Variants in KCTD2 observed in about 807,000 individuals in gnomAD.
KCTD2 encodes potassium channel tetramerization domain containing 2.
A neutral mutation model predicts 27.9 loss-of-function variants in KCTD2; 18 were observed. The observed-to-expected ratio is 0.64, with a 90% CI of 0.45 to 0.96. The LOEUF (loss-of-function observed/expected upper bound fraction) is 0.96, where lower values mean the gene tolerates loss of function less well. Ranked by LOEUF, KCTD2 falls within the 40% of genes least tolerant of loss-of-function variation. The pLI is 0.00. For synonymous variants in KCTD2, 175 were observed against 148.4 expected, an observed-to-expected ratio of 1.18 and a Z score of -1.30; for missense variants, 280 against 348.0, an observed-to-expected ratio of 0.80 and a Z score of 1.56.
intron 3 of KCTD2, chr17:75,039,451 A>G: frequency 1.7e-6 from 1 of 589,046 alleles, no homozygotes; most frequent in Middle Eastern, 4.5e-4. Context: ...TAACACTCAC[A>G]GAGAAGCCCA....
intron 1 of KCTD2, among the ~76,000 whole-genome samples, chr17:75,048,103 T>TG (rs1483258120): frequency 1.3e-5 from 2 of 152,206 alleles, no homozygotes; most frequent in Non-Finnish European, 2.9e-5. Flanking sequence ...TCTATAGTCC[T>TG]GGTCGCAGAA....
At position 75,061,413 on chromosome 17, in the gene KCTD2, G is replaced by A. The variant is rs184385005; in HGVS notation, c.637-707G>A. 2.3e-3 allele frequency among the ~76,000 whole-genome samples: 344 copies of A among 152,312 alleles called. 1 individual carries two copies. The highest frequency in any genetic ancestry group is 4.0e-3 in the Non-Finnish European group (275 of 68,030). On this transcript the variant is annotated intron_variant, in intron 4 of 5. Transcript: ENST00000322444. ...TAATCTCGGCACTTTGGGAGGCCAC[G>A]GTGGGAGGATTGCTTGAGTCCTGGA...
At position 75,047,514 on chromosome 17, in the gene KCTD2, G is replaced by T; in HGVS notation, c.264G>T (p.Gln88His). The change falls in exon 1 of 6, where the codon CAG becomes CAT. Residue 88 changes from glutamine to histidine, a missense_variant. Transcript: ENST00000322444. ...VGGTYFVTTR[Q>H]TLGREPKSFL... ...GCACCTACTTCGTGACCACCAGACAGACCTTAGGCCGGGAGCCCAAGTCAT... is the reference window on the plus strand; with the variant it reads ...GCACCTACTTCGTGACCACCAGACATACCTTAGGCCGGGAGCCCAAGTCAT... 1 of 1,611,326 alleles carries T rather than the reference G, an allele frequency of 6.2e-7. No homozygotes were observed. The highest frequency in any genetic ancestry group is 8.5e-7 in the Non-Finnish European group (1 of 1,179,434).
At chr17:75,043,813 GC>G (rs1167635070), upstream of KCTD2, among the ~76,000 whole-genome samples, 1 of 152,050 alleles carries the variant, frequency 6.6e-6, no homozygotes, top group Non-Finnish European at 1.5e-5. Context: ...CACTCTCTAG[GC>G]TAAAATTTAC....
chr17:75,043,679 A>C (rs1217894280), upstream of KCTD2, among the ~76,000 whole-genome samples: 1 of 152,104 alleles, frequency 6.6e-6, no homozygotes, highest in Admixed American at 6.5e-5. Flanking sequence ...AAAATTACTA[A>C]AAATAACACT....
intron 2 of KCTD2, among the ~76,000 whole-genome samples, chr17:75,052,622 C>G (rs576428446): frequency 3.7e-4 from 57 of 152,334 alleles, no homozygotes; most frequent in Admixed American, 2.5e-3. Context: ...ACTTGGAAGG[C>G]TGAGGCAGCA....
chr17:75,047,531 C>T lies in KCTD2; in HGVS notation c.281C>T (p.Pro94Leu). The change falls in exon 1 of 6, where the codon CCC becomes CTC. Residue 94 changes from proline (P) to leucine (L), a missense_variant. Transcript: ENST00000322444. ...ACCAGACAGACCTTAGGCCGGGAGC[C>T]CAAGTCATTTCTCTGCCGCCTCTGC... ...VTTRQTLGRE[P>L]KSFLCRLCCQ... 1 of 1,611,872 alleles carries T rather than the reference C, an allele frequency of 6.2e-7. No individual in the cohort carries two copies. The highest frequency in any genetic ancestry group is 8.5e-7 in the Non-Finnish European group (1 of 1,179,616).
Position 75,063,630 on chromosome 17 carries a change from A to G in KCTD2, c.*583A>G, listed in dbSNP as rs1327769505. On this transcript the variant is annotated 3_prime_UTR_variant, in exon 6 of 6. Transcript: ENST00000322444. ...TCCCATGAATAGAGCCTCCAAGGAAAGGGAGGATGGGGTGTCCTTTGTTGT... is the reference window on the plus strand; with the variant it reads ...TCCCATGAATAGAGCCTCCAAGGAAGGGGAGGATGGGGTGTCCTTTGTTGT... 6.5e-6 allele frequency: 1 copy of G among 153,272 alleles called. No homozygotes were observed. The highest frequency in any genetic ancestry group is 1.5e-5 in the Non-Finnish European group (1 of 68,706). 9.5% of individuals were successfully genotyped at this position (153,272 alleles called of 1,614,324 possible).
upstream of KCTD2, chr17:75,042,510 C>A (rs745666457): frequency 6.2e-7 from 1 of 1,600,342 alleles, no homozygotes; most frequent in Non-Finnish European, 8.5e-7. Flanking sequence ...ATGGGGTTCC[C>A]TCTCAGAAAC....
exon 3 of KCTD2, chr17:75,035,262 C>G (rs2040105543): frequency 6.6e-6 from 1 of 152,122 alleles, no homozygotes. Context: ...CCCTCCACAC[C>G]GCGGCTCCCG....
rs2073408381 is a variant in KCTD2, at chr17:75,061,998, A to C, written c.637-122A>C. On this transcript the variant is annotated intron_variant, in intron 4 of 5. Coordinates refer to ENST00000322444, the MANE Select transcript of KCTD2 (RefSeq NM_015353.3). Reference sequence around the variant, plus strand: ...GGGCTTTGGTAGTCACAGAGAACTCATATAAAGAGTTAAACCTTTGATAAC... The same window carrying C: ...GGGCTTTGGTAGTCACAGAGAACTCCTATAAAGAGTTAAACCTTTGATAAC... 6 of 1,108,532 alleles carry C rather than the reference A, an allele frequency of 5.4e-6. No homozygotes were observed. The South Asian group carries it at 6.7e-5, about 12-fold the overall frequency. The allele number at this position is 1,108,532 out of a possible 1,614,324, so 68.7% of individuals were successfully genotyped here. A position where few individuals can be genotyped will look rare whatever the true frequency, so the allele number is the denominator to read the frequency against.
intron 3 of KCTD2, chr17:75,040,061 T>C: frequency 6.2e-7 from 1 of 1,612,006 alleles, no homozygotes; most frequent in Middle Eastern, 1.7e-4. Context: ...TCAAGAGAAT[T>C]TTAGAATAAG....
At chr17:75,041,944 C>A in intron 3 of KCTD2, 1 of 437,608 alleles carries the variant, frequency 2.3e-6, no homozygotes, top group Non-Finnish European at 4.1e-6. Context: ...AACTCCTGTG[C>A]TGATCAGAAA....
chr17:75,035,142 G>A (rs1888188317), intron 2 of KCTD2: 1 of 152,126 alleles, frequency 6.6e-6, no homozygotes, highest in Non-Finnish European at 1.5e-5. Flanking sequence ...TAAGGCGTCT[G>A]ACTTCGGATC....
intron 2 of KCTD2, among the ~76,000 whole-genome samples, chr17:75,034,453 C>T (rs927194323): frequency 2.0e-5 from 3 of 152,212 alleles, no homozygotes; most frequent in Admixed American, 6.5e-5. Flanking sequence ...GACTCGAACC[C>T]ACAATCCCTG....
intron 4 of KCTD2, among the ~76,000 whole-genome samples, chr17:75,061,452 C>G (rs959259484): frequency 1.3e-5 from 2 of 152,138 alleles, no homozygotes; most frequent in African/African-American, 4.8e-5. Context: ...CGGAGACCAG[C>G]CTGGGCAACA....
At chr17:75,054,473 T>A (rs1401939296) in intron 3 of KCTD2, among the ~76,000 whole-genome samples, 1 of 152,164 alleles carries the variant, frequency 6.6e-6, no homozygotes, top group East Asian at 1.9e-4. Flanking sequence ...TATTTGGCCC[T>A]TGGGATTCTG....
chr17:75,047,002 A>T (rs1213689382), upstream of KCTD2: 1 of 212,378 alleles, frequency 4.7e-6, no homozygotes, highest in African/African-American at 2.3e-5. Context: ...TCCTCAGCCA[A>T]CCCCAAAGCC....
At chr17:75,034,485 T>G (rs1033985843) in intron 2 of KCTD2, among the ~76,000 whole-genome samples, 49 of 152,058 alleles carry the variant, frequency 3.2e-4, no homozygotes, top group Non-Finnish European at 1.2e-4. Flanking sequence ...CAGTGCCTTA[T>G]CCATTAGGCC....
Sources: allele counts gnomAD v4.1 joint callset (sites outside exome capture counted in the v4.1 genomes callset), GRCh38; gene constraint gnomAD v4.1.1; transcripts MANE v1.5; gene names NCBI Gene and HGNC (gene_info 2026-07-23, HGNC 2026-07-21).